The following ERBB4 variants were observed in gnomAD, a reference collection of about 807,000 sequenced individuals.
The protein encoded by ERBB4 is erb-b2 receptor tyrosine kinase 4, also known as receptor tyrosine-protein kinase erbB-4.
In ERBB4, 42 loss-of-function variants were observed where a neutral mutation model predicts 158.0. The ratio of observed to expected loss-of-function variants is 0.27; its 90% CI spans 0.21 to 0.34. The LOEUF is 0.34. Among genes scored for constraint, ERBB4 ranks in the 10% least tolerant of loss-of-function variants. The probability of loss-of-function intolerance (pLI) is 1.00; values close to 1 mark genes in which losing one functional copy is unlikely to be tolerated. For synonymous variants in ERBB4, 583 were observed against 558.7 expected, an observed-to-expected ratio of 1.04 and a Z score of -0.61; for missense variants, 1,333 against 1,624.1, an observed-to-expected ratio of 0.82 and a Z score of 3.08.
At position 211,867,059 on chromosome 2, in the gene ERBB4, T is replaced by C. The variant is rs2078228914; in HGVS notation, c.422-78900A>G. On this transcript the variant is annotated intron_variant, in intron 3 of 27. Coordinates refer to ENST00000342788, the MANE Select transcript of ERBB4 (RefSeq NM_005235.3). ...AAAAAAAAAAAAAAAAAAGATCGTG[T>C]TCTTTCCAGAACTTTCAGTGTGATA... Among the ~76,000 whole-genome samples, 4 of 144,738 alleles carry C rather than the reference T, an allele frequency of 2.8e-5. No homozygotes were observed. The South Asian group carries it at 9.0e-4, about 32-fold the overall frequency. 95.0% of individuals were successfully genotyped at this position (144,738 alleles called of 152,430 possible). A position where few individuals can be genotyped will look rare whatever the true frequency, so the allele number is the denominator to read the frequency against.
intron 16 of ERBB4, among the ~76,000 whole-genome samples, chr2:211,646,064 G>A (rs767844863): frequency 6.6e-5 from 10 of 151,460 alleles, no homozygotes; most frequent in Non-Finnish European, 1.0e-4. Flanking sequence ...AATGTCTGTT[G>A]ATCTGGAAGG....
intron 1 of ERBB4, among the ~76,000 whole-genome samples, chr2:212,192,047 T>TGTTATATATTATATGTTATAA (rs1559707816): frequency 1.2e-3 from 102 of 87,464 alleles, no homozygotes; most frequent in Non-Finnish European, 2.2e-3. Context: ...GTTATATATA[T>TGTTATATATTATATGTTATAA]GTTATATGTT....
chr2:211,501,595 T>C (rs2065618376), intron 20 of ERBB4, among the ~76,000 whole-genome samples: 1 of 152,008 alleles, frequency 6.6e-6, no homozygotes, highest in African/African-American at 2.4e-5. Context: ...TAGTCCTGTT[T>C]CTGAATGTAT....
At chr2:211,458,332 T>C (rs1276369520) in intron 20 of ERBB4, among the ~76,000 whole-genome samples, 2 of 151,876 alleles carry the variant, frequency 1.3e-5, no homozygotes, top group African/African-American at 4.8e-5. Context: ...AGTGGTGTGA[T>C]CTCAGCTCAC....
intron 2 of ERBB4, among the ~76,000 whole-genome samples, chr2:212,048,844 T>C (rs1370267355): frequency 6.6e-6 from 1 of 152,152 alleles, no homozygotes; most frequent in Non-Finnish European, 1.5e-5. Flanking sequence ...CAAGTGTGTT[T>C]AAAGAAAAAA....
rs190882358 is a variant in ERBB4, at chr2:211,542,929, C to A, written c.2487+18974G>T. Among the ~76,000 whole-genome samples the A allele has an allele frequency of 1.9e-3, 291 of 151,778 alleles. 9 individuals are homozygous for A. The highest frequency in any genetic ancestry group is 4.5e-3 in the East Asian group (23 of 5,152). ...TTCAATCCCAAAAGGGAAAAGTACA[C>A]CCTAGGTAGTATTTTTCTGTGAAAC... On this transcript the variant is annotated intron_variant, in intron 20 of 27. Transcript: ENST00000342788.
At chr2:212,320,289 G>A (rs1158385251) in intron 1 of ERBB4, among the ~76,000 whole-genome samples, 4 of 148,718 alleles carry the variant, frequency 2.7e-5, no homozygotes, top group African/African-American at 7.3e-5. Context: ...TACTTTCTTA[G>A]GGGAATGAAA....
At chr2:211,913,079 C>A (rs2079579588) in intron 3 of ERBB4, among the ~76,000 whole-genome samples, 1 of 152,150 alleles carries the variant, frequency 6.6e-6, no homozygotes, top group Non-Finnish European at 1.5e-5. Flanking sequence ...GGTTGTCATT[C>A]TGAAGGCTCC....
intron 20 of ERBB4, among the ~76,000 whole-genome samples, chr2:211,487,428 C>A (rs2065235427): frequency 6.6e-6 from 1 of 151,598 alleles, no homozygotes; most frequent in Non-Finnish European, 1.5e-5. Flanking sequence ...TCCATGATAC[C>A]AAACTGTTTT....
intron 2 of ERBB4, among the ~76,000 whole-genome samples, chr2:211,955,494 T>C (rs2081002918): frequency 6.6e-6 from 1 of 152,120 alleles, no homozygotes; most frequent in African/African-American, 2.4e-5. Context: ...TATCATAGAC[T>C]TATTACACTA....
rs373319850 is a variant in ERBB4 at position 212,338,315 on chromosome 2, T to C, written c.82+200134A>G. 1.0e-3 allele frequency among the ~76,000 whole-genome samples: 156 copies of C among 152,198 alleles called. 1 individual carries two copies. In the South Asian group the frequency reaches 0.031, roughly 30 times the overall value. ...TGTCTTCTAAGACCCAGCACTACTG[T>C]GGCAGTAAGTTTTTTCCCAAAGCAT... is the stretch of plus-strand genomic sequence containing the variant. On this transcript the variant is annotated intron_variant, in intron 1 of 27. Transcript: ENST00000342788.
intron 1 of ERBB4, among the ~76,000 whole-genome samples, chr2:212,137,970 A>G (rs1046441039): frequency 3.9e-5 from 6 of 152,226 alleles, no homozygotes; most frequent in African/African-American, 1.4e-4. Flanking sequence ...TTACTGGAAA[A>G]CAATACATGG....
intron 1 of ERBB4, among the ~76,000 whole-genome samples, chr2:212,516,944 T>C (rs1015878845): frequency 6.6e-6 from 1 of 152,132 alleles, no homozygotes; most frequent in Non-Finnish European, 1.5e-5. Context: ...CATTGAACTA[T>C]GTTTGCACGA....
chr2:212,384,918 TATACAC>T (rs1250412159), intron 1 of ERBB4, among the ~76,000 whole-genome samples: 3 of 133,790 alleles, frequency 2.2e-5, no homozygotes, highest in Non-Finnish European at 3.1e-5. Context: ...TATATATATA[TATACAC>T]ACACACACAC....
chr2:212,348,686 T>A (rs902121875), intron 1 of ERBB4, among the ~76,000 whole-genome samples: 2 of 152,152 alleles, frequency 1.3e-5, no homozygotes, highest in Non-Finnish European at 2.9e-5. Context: ...AGGGCCACCG[T>A]GTACTGCAGG....
intron 20 of ERBB4, among the ~76,000 whole-genome samples, chr2:211,447,720 C>T: frequency 6.6e-6 from 1 of 152,116 alleles, no homozygotes; most frequent in East Asian, 1.9e-4. Flanking sequence ...AATTTAGTTC[C>T]TCTTTCTGCA....
intron 5 of ERBB4, among the ~76,000 whole-genome samples, chr2:211,742,528 G>A (rs889662753): frequency 5.9e-5 from 9 of 151,858 alleles, no homozygotes; most frequent in Non-Finnish European, 8.8e-5. Context: ...ATAAATAAAA[G>A]GACATGTATA....
intron 4 of ERBB4, among the ~76,000 whole-genome samples, chr2:211,787,664 A>G (rs2076195681): frequency 6.6e-6 from 1 of 152,196 alleles, no homozygotes; most frequent in Non-Finnish European, 1.5e-5. Flanking sequence ...TTTTTGTTCT[A>G]CTACCTTTGT....
intron 2 of ERBB4, among the ~76,000 whole-genome samples, chr2:212,123,231 T>C (rs7583453): frequency 0.84 from 127,370 of 152,144 alleles, 54,799 homozygotes; most frequent in African/African-American, 0.96. Context: ...GTGAAACTCC[T>C]GTCTCCACTA....
Sources: allele counts gnomAD v4.1 joint callset (sites outside exome capture counted in the v4.1 genomes callset), GRCh38; gene constraint gnomAD v4.1.1; transcripts MANE v1.5; gene names NCBI Gene and HGNC (gene_info 2026-07-23, HGNC 2026-07-21).